NEDD4: variants seen among roughly 807,000 people sequenced by gnomAD.
The protein encoded by NEDD4 is E3 ubiquitin-protein ligase NEDD4.
NEDD4 carries 99 observed loss-of-function variants against 144.9 expected under a neutral mutation model. The ratio of observed to expected loss-of-function variants is 0.68; its 90% CI spans 0.58 to 0.81. The LOEUF is 0.81. Among genes scored for constraint, NEDD4 ranks in the 30% least tolerant of loss-of-function variants. NEDD4 has a pLI of 0.00. For synonymous variants in NEDD4, 318 were observed against 350.6 expected (o/e 0.91, Z 1.04); for missense variants, 985 against 1,065.9 (o/e 0.92, Z 1.06).
At position 55,883,696 on chromosome 15, in the gene NEDD4, A is replaced by C. The variant is rs142414802; in HGVS notation, c.292-9688T>G. On this transcript the variant is annotated intron_variant, in intron 5 of 28. Coordinates refer to ENST00000435532, the MANE Select transcript of NEDD4 (RefSeq NM_006154.4). ...GCATCTCAACACACACACACACACA[A>C]ACACACACACACACACACACACACA... Among the ~76,000 whole-genome samples, 104 of 112,254 alleles carry C rather than the reference A, an allele frequency of 9.3e-4. 1 individual carries two copies. In the South Asian group the frequency reaches 9.7e-3, roughly 11 times the overall value. 73.6% of individuals were successfully genotyped at this position (112,254 alleles called of 152,430 possible). A position where few individuals can be genotyped will look rare whatever the true frequency, so the allele number is the denominator to read the frequency against.
At chr15:55,991,373 T>G (rs533014624) in intron 1 of NEDD4, among the ~76,000 whole-genome samples, 1 of 152,164 alleles carries the variant, frequency 6.6e-6, no homozygotes, top group African/African-American at 2.4e-5. Context: ...TGGCAAATGA[T>G]AGTGGAGAGG....
chr15:55,888,480 T>C (rs2035464043), intron 5 of NEDD4, among the ~76,000 whole-genome samples: 1 of 152,052 alleles, frequency 6.6e-6, no homozygotes, highest in African/African-American at 2.4e-5. Context: ...AATGGAAAGG[T>C]ATGTTCATGG....
chr15:55,848,834 T>C lies in NEDD4; in HGVS notation c.1400A>G (p.Asp467Gly). The C allele has an allele frequency of 5.6e-6, 9 of 1,613,840 alleles. No individual in the cohort carries two copies. The highest frequency in any genetic ancestry group is 1.3e-5 in the African/African-American group (1 of 75,052). ...TAAAGGCCCTAGATCATTGGAAGTA[T>C]CAAGTGATGTCTTTCCTCTCAGATG... is the stretch of plus-strand genomic sequence containing the variant. Reference protein sequence around the residue: ...PAHLRGKTSLDTSNDLGPLPP... With the variant: ...PAHLRGKTSLGTSNDLGPLPP... Residue 467 changes from aspartate (D) to glycine (G), a missense_variant, in exon 15 of 29, where the codon GAT (aspartate) becomes GGT (glycine). Asp to Gly is a moderately conservative substitution (Grantham distance 94, BLOSUM62 -1). Transcript: ENST00000435532.
At position 55,917,150 on chromosome 15, in the gene NEDD4, C is replaced by A. The variant is rs1288891545; in HGVS notation, c.291+7496G>T. 13 of 1,089,176 alleles carry A rather than the reference C, an allele frequency of 1.2e-5. No homozygotes were observed. The African/African-American group carries it at 1.6e-4, about 14-fold the overall frequency. The allele number at this position is 1,089,176 out of a possible 1,614,324, so 67.5% of individuals were successfully genotyped here. On this transcript the variant is annotated intron_variant, in intron 5 of 28. Coordinates refer to ENST00000435532, the MANE Select transcript of NEDD4 (RefSeq NM_006154.4). ...CTGCAGCACACTGACTCAAACACAG[C>A]CAACCTTGTTTCAATTATACCTTCT...
chr15:55,909,114 C>T (rs1343629713), intron 5 of NEDD4, among the ~76,000 whole-genome samples: 1 of 152,142 alleles, frequency 6.6e-6, no homozygotes, highest in Non-Finnish European at 1.5e-5. Flanking sequence ...AAGAGAAGGC[C>T]TACGCTCTTT....
intron 1 of NEDD4, chr15:55,987,979 C>T (rs1453554932): frequency 2.7e-5 from 4 of 149,964 alleles, no homozygotes; most frequent in African/African-American, 9.9e-5. Flanking sequence ...TCCATATGAA[C>T]TTTAAAGTAG....
At chr15:55,851,443 A>G (rs923317018) in intron 13 of NEDD4, among the ~76,000 whole-genome samples, 8 of 152,030 alleles carry the variant, frequency 5.3e-5, no homozygotes, top group Non-Finnish European at 1.2e-4. Flanking sequence ...CAAAATTAGA[A>G]ACACAGGCAT....
chr15:55,979,385 C>T (rs1224741292), intron 1 of NEDD4, among the ~76,000 whole-genome samples: 1 of 121,536 alleles, frequency 8.2e-6, no homozygotes, highest in Non-Finnish European at 1.6e-5. Context: ...CTCGCTCTGT[C>T]GCCCAGGCCG....
At chr15:55,992,534 T>C (rs1393429672) in intron 1 of NEDD4, among the ~76,000 whole-genome samples, 4 of 152,214 alleles carry the variant, frequency 2.6e-5, no homozygotes, top group African/African-American at 9.7e-5. Flanking sequence ...AAAAGGTACA[T>C]GTGGCAGCTT....
chr15:55,832,274 G>T (rs1302389424), intron 27 of NEDD4, among the ~76,000 whole-genome samples: 1 of 151,616 alleles, frequency 6.6e-6, no homozygotes, highest in African/African-American at 2.4e-5. Context: ...CAGAAGTCCT[G>T]AAGAAATCCA....
intron 5 of NEDD4, among the ~76,000 whole-genome samples, chr15:55,901,381 G>A (rs1409426529): frequency 1.3e-5 from 2 of 151,636 alleles, no homozygotes; most frequent in Admixed American, 6.6e-5. Context: ...GGGGCTTGTG[G>A]CCCACATATA....
chr15:55,943,332 T>G (rs1377013556), intron 4 of NEDD4, among the ~76,000 whole-genome samples: 1 of 152,178 alleles, frequency 6.6e-6, no homozygotes, highest in African/African-American at 2.4e-5. Context: ...GAATGCATTT[T>G]AGAGATCTTT....
rs530736760 is a variant in NEDD4, at chr15:55,928,242, C to G, written c.238-3543G>C. Among the ~76,000 whole-genome samples, 5 of 152,270 alleles carry G rather than the reference C, an allele frequency of 3.3e-5. No homozygotes were observed. In the South Asian group the frequency reaches 8.3e-4, roughly 25 times the overall value. The stretch of plus-strand genomic sequence containing the variant: ...GGCCAGGCTGGTCTCGAACCCCTGA[C>G]CTCAGGTGATCCACCCACCTCGGCC... On this transcript the variant is annotated intron_variant, in intron 4 of 28. Coordinates refer to ENST00000435532, the MANE Select transcript of NEDD4 (RefSeq NM_006154.4).
chr15:55,924,579 C>G, intron 5 of NEDD4, 67 bp downstream of exon 5: 1 of 1,415,546 alleles, frequency 7.1e-7, no homozygotes. Context: ...TGCTTACCCA[C>G]TTCCCCTGGC....
At chr15:55,873,728 C>T (rs182879114) in intron 6 of NEDD4, among the ~76,000 whole-genome samples, 1 of 152,104 alleles carries the variant, frequency 6.6e-6, no homozygotes, top group African/African-American at 2.4e-5. Flanking sequence ...TTCACAATGC[C>T]AACAAACATC....
In NEDD4 at chr15:55,863,113, C is replaced by T. The variant is rs751560652; in HGVS notation, c.508-34G>A. 2.7e-6 allele frequency: 4 copies of T among 1,489,846 alleles called. No individual in the cohort carries two copies. In the Admixed American group the frequency reaches 6.6e-5, roughly 25 times the overall value. 92.3% of individuals were successfully genotyped at this position (1,489,846 alleles called of 1,614,324 possible). ...CAGGATGGCAGCAATTAAGTTTACGCATGATTTTTTTAACTTTCTAAATTA... is the reference window on the plus strand; with the variant it reads ...CAGGATGGCAGCAATTAAGTTTACGTATGATTTTTTTAACTTTCTAAATTA... On this transcript the variant is annotated intron_variant, in intron 8 of 28. Coordinates refer to ENST00000435532, the MANE Select transcript of NEDD4 (RefSeq NM_006154.4).
At chr15:55,909,930 A>T (rs1224832213) in intron 5 of NEDD4, among the ~76,000 whole-genome samples, 13 of 152,198 alleles carry the variant, frequency 8.5e-5, no homozygotes, top group African/African-American at 3.1e-4. Flanking sequence ...GCTGTCCAAA[A>T]TGAGGTGTGA....
intron 8 of NEDD4, among the ~76,000 whole-genome samples, chr15:55,866,220 C>CTTT (rs199861047): frequency 2.7e-5 from 4 of 147,338 alleles, no homozygotes; most frequent in African/African-American, 7.5e-5. Context: ...AACCTTTCTT[C>CTTT]TTTTTTTTTT....
Position 55,945,888 on chromosome 15 carries a change from G to T in NEDD4, c.237+5488C>A, listed in dbSNP as rs997228622. On this transcript the variant is annotated intron_variant, in intron 4 of 28. Coordinates refer to ENST00000435532, the MANE Select transcript of NEDD4 (RefSeq NM_006154.4). The stretch of plus-strand genomic sequence containing the variant: ...CTTAAAGAAAATAATTTTGAATGCA[G>T]AATTTCATATCCAGCCAAACTAAGC... Among the ~76,000 whole-genome samples the T allele has an allele frequency of 2.0e-5, 3 of 152,150 alleles. No homozygotes were observed. In the South Asian group the frequency reaches 6.2e-4, roughly 32 times the overall value.
Sources: allele counts gnomAD v4.1 joint callset (sites outside exome capture counted in the v4.1 genomes callset), GRCh38; gene constraint gnomAD v4.1.1; transcripts MANE v1.5; gene names NCBI Gene and HGNC (gene_info 2026-07-23, HGNC 2026-07-21).